Variants in MBTPS1 observed in about 807,000 individuals in gnomAD.
MBTPS1 encodes membrane bound transcription factor peptidase, site 1, also known as membrane-bound transcription factor site-1 protease.
MBTPS1 carries 94 observed loss-of-function variants against 127.8 expected under a neutral mutation model. The observed-to-expected ratio is 0.74, with a 90% CI of 0.62 to 0.87. The LOEUF is 0.87. Ranked by LOEUF, MBTPS1 falls within the 40% of genes least tolerant of loss-of-function variation. The pLI, the probability that MBTPS1 is intolerant of heterozygous loss-of-function variation, is 0.00. For synonymous variants in MBTPS1, 632 were observed against 509.4 expected, an observed-to-expected ratio of 1.24 and a Z score of -3.24; for missense variants, 1,636 against 1,353.2, an observed-to-expected ratio of 1.21 and a Z score of -3.28.
intron 11 of MBTPS1, 84 bp from the exon 12 acceptor site, chr16:84,074,825 A>G (rs1364670397): frequency 2.3e-6 from 3 of 1,278,762 alleles, no homozygotes; most frequent in Non-Finnish European, 3.3e-6. Flanking sequence ...AGAGTTAACA[A>G]AGCAGACCTA....
At chr16:84,067,408 A>G (rs995760855) in intron 16 of MBTPS1, among the ~76,000 whole-genome samples, 5 of 152,192 alleles carry the variant, frequency 3.3e-5, no homozygotes, top group African/African-American at 1.2e-4. Flanking sequence ...GCTGGAGTAC[A>G]GTGGCTTGAT....
At chr16:84,095,250 C>T (rs1005389723) in intron 4 of MBTPS1, among the ~76,000 whole-genome samples, 8 of 152,202 alleles carry the variant, frequency 5.3e-5, no homozygotes, top group East Asian at 1.9e-4. Flanking sequence ...TGTCGGTCAG[C>T]GCCAGTGGCC....
intron 16 of MBTPS1, among the ~76,000 whole-genome samples, chr16:84,067,257 T>C (rs1445156792): frequency 4.6e-5 from 7 of 152,158 alleles, no homozygotes; most frequent in Admixed American, 6.5e-5. Flanking sequence ...CAATGAACCC[T>C]CTATATTATT....
At chr16:84,076,541 A>G (rs189858674) in intron 11 of MBTPS1, among the ~76,000 whole-genome samples, 20 of 152,322 alleles carry the variant, frequency 1.3e-4, no homozygotes, top group African/African-American at 4.3e-4. Context: ...CACCTGGAAA[A>G]CCCTAGAGAA....
intron 13 of MBTPS1, 69 bp from the exon 14 acceptor site, chr16:84,070,107 T>C: frequency 7.8e-7 from 1 of 1,289,668 alleles, no homozygotes; most frequent in Non-Finnish European, 1.1e-6. Flanking sequence ...TTTGAAAACA[T>C]CATTTCTATT....
chr16:84,061,755 G>A (rs1389737095), intron 19 of MBTPS1: 1 of 152,194 alleles, frequency 6.6e-6, no homozygotes, highest in African/African-American at 2.4e-5. Context: ...CGTTCACAAA[G>A]GATCCTTTCT....
intron 1 of MBTPS1, among the ~76,000 whole-genome samples, chr16:84,115,641 A>G (rs1306914492): frequency 2.6e-5 from 4 of 152,232 alleles, no homozygotes; most frequent in Non-Finnish European, 5.9e-5. Flanking sequence ...GCCGCATATC[A>G]TATGTTTCCA....
intron 11 of MBTPS1, 153 bp from the exon 12 acceptor site, chr16:84,074,894 G>T (rs1336693541): frequency 3.2e-6 from 2 of 626,136 alleles, no homozygotes; most frequent in East Asian, 2.9e-5. Flanking sequence ...ACTTGGCTCT[G>T]GAATGCTCCT....
At chr16:84,067,633 G>C (rs199777540) in intron 16 of MBTPS1, 34 bp downstream of exon 16, 4 of 746,046 alleles carry the variant, frequency 5.4e-6, no homozygotes, top group Non-Finnish European at 8.2e-6. Context: ...TTCCCCAAAA[G>C]TCTTATCCAA....
rs754152781 is a variant in MBTPS1, at chr16:84,069,974, G to C, written c.1847C>G (p.Thr616Ser). The C allele has an allele frequency of 7.4e-6, 12 of 1,613,956 alleles. No homozygotes were observed. Among genetic ancestry groups the C allele is most frequent in the African/African-American group, 1.3e-5 (1 of 74,916 alleles). The stretch of plus-strand genomic sequence containing the variant: ...GAGAACTCTCTTGCTTCGCGGGGGA[G>C]TAGGAATTATCTTCACCTTAATGGG... ...KLPIKVKIIPTPPRSKRVLWD... is the reference protein window; with the variant it reads ...KLPIKVKIIPSPPRSKRVLWD... The change falls in exon 14 of 23, where the codon ACT (threonine) becomes AGT (serine). Residue 616 changes from threonine (T) to serine (S), a missense_variant. Transcript: ENST00000343411.
chr16:84,099,106 A>T lies in MBTPS1; in HGVS notation c.368T>A (p.Ile123Asn), dbSNP rs1597345733. The T allele has an allele frequency of 6.2e-7, 1 of 1,614,178 alleles. No individual in the cohort carries two copies. Among genetic ancestry groups the T allele is most frequent in the South Asian group, 1.1e-5 (1 of 91,084 alleles). ...TTTTCGTTGGGGCGTGACCCGTTTG[A>T]TGTTTGGATGATCTTCAAGTGTTAG... ...GLLTLEDHPN[I>N]KRVTPQRKVF... The change falls in exon 3 of 23, where the codon ATC becomes AAC. Residue 123 changes from isoleucine (I) to asparagine (N), a missense_variant. Physicochemically the swap from Ile to Asn is moderately radical, Grantham distance 149. Coordinates refer to ENST00000343411, the MANE Select transcript of MBTPS1 (RefSeq NM_003791.4).
intron 11 of MBTPS1, among the ~76,000 whole-genome samples, chr16:84,077,056 T>C (rs1305675095): frequency 6.6e-6 from 1 of 151,974 alleles, no homozygotes. Context: ...CAAAACCCTG[T>C]CTCTACTAAA....
chr16:84,101,546 A>G (rs2086255517), intron 2 of MBTPS1, 75 bp downstream of exon 2: 6 of 1,281,116 alleles, frequency 4.7e-6, no homozygotes, highest in Non-Finnish European at 6.5e-6. Context: ...GTTATTCAGC[A>G]ATAGCTAATT....
chr16:84,083,977 TGAGACA>T (rs2085981085), intron 10 of MBTPS1, among the ~76,000 whole-genome samples: 1 of 152,202 alleles, frequency 6.6e-6, no homozygotes, highest in East Asian at 1.9e-4. Context: ...ATTGGCTGAT[TGAGACA>T]GAGTGTTGCT....
chr16:84,074,214 G>A (rs1461809941), intron 12 of MBTPS1, among the ~76,000 whole-genome samples: 1 of 151,804 alleles, frequency 6.6e-6, no homozygotes, highest in East Asian at 1.9e-4. Context: ...CAATAGCCCT[G>A]GTACCCTAGA....
At position 84,058,601 on chromosome 16, in the gene MBTPS1, G is replaced by A. The variant is rs145804617; in HGVS notation, c.2831+701C>T. 1.2e-4 allele frequency among the ~76,000 whole-genome samples: 18 copies of A among 152,282 alleles called. No homozygotes were observed. The East Asian group carries it at 1.9e-3, about 16-fold the overall frequency. ...ATATTGTCCTGTTTGGGCCAGGGAC[G>A]TCACAGAAAAAGTAAGGGGGTGGCA... On this transcript the variant is annotated intron_variant, in intron 21 of 22. Coordinates refer to ENST00000343411, the MANE Select transcript of MBTPS1 (RefSeq NM_003791.4).
chr16:84,058,788 G>C (rs2151139867), intron 21 of MBTPS1, among the ~76,000 whole-genome samples: 1 of 152,322 alleles, frequency 6.6e-6, no homozygotes, highest in East Asian at 1.9e-4. Flanking sequence ...ACAGGAGTGT[G>C]GAGACAGCAG....
At chr16:84,093,354 C>A (rs767375436) in intron 5 of MBTPS1, 57 bp from the exon 6 acceptor site, 8 of 1,164,010 alleles carry the variant, frequency 6.9e-6, no homozygotes, top group Non-Finnish European at 1.0e-5. Flanking sequence ...AGTGCCAGGA[C>A]GCAACATTCC....
intron 1 of MBTPS1, among the ~76,000 whole-genome samples, chr16:84,110,408 A>T (rs1193738768): frequency 6.6e-6 from 1 of 152,186 alleles, no homozygotes; most frequent in African/African-American, 2.4e-5. Flanking sequence ...TAGAATAAAA[A>T]TTATGTTTAT....
Sources: allele counts gnomAD v4.1 joint callset (sites outside exome capture counted in the v4.1 genomes callset), GRCh38; gene constraint gnomAD v4.1.1; transcripts MANE v1.5; gene names NCBI Gene and HGNC (gene_info 2026-07-23, HGNC 2026-07-21).